The following DIP2C variants were observed in gnomAD, a reference collection of about 807,000 sequenced individuals.
DIP2C encodes the protein DIP2 acetate--CoA ligase C (putative), also known as disco-interacting protein 2 homolog C.
In DIP2C, 33 loss-of-function variants were observed where a neutral mutation model predicts 192.4. The ratio of observed to expected loss-of-function variants is 0.17; its 90% CI spans 0.13 to 0.23. The LOEUF (loss-of-function observed/expected upper bound fraction) is 0.23, where lower values mean the gene tolerates loss of function less well. DIP2C is among the 10% of genes least tolerant of loss of function. The probability of loss-of-function intolerance (pLI) is 1.00; values close to 1 mark genes in which losing one functional copy is unlikely to be tolerated. For synonymous variants in DIP2C, 979 were observed against 864.1 expected (o/e 1.13, Z -2.33); for missense variants, 1,537 against 2,110.1 (o/e 0.73, Z 5.32).
At chr10:464,005 TAAAAACTTAAACGTAAGA>T (rs1414554516) in intron 3 of DIP2C, among the ~76,000 whole-genome samples, 1 of 152,188 alleles carries the variant, frequency 6.6e-6, no homozygotes, top group Non-Finnish European at 1.5e-5. Context: ...CAAATTGGTT[TAAAAACTTAAACGTAAGA>T]CGTAAAACCA....
chr10:513,864 A>G (rs577692548), intron 1 of DIP2C, among the ~76,000 whole-genome samples: 6 of 151,530 alleles, frequency 4.0e-5, no homozygotes, highest in African/African-American at 1.5e-4. Context: ...ATCTGCAAAC[A>G]TCGACAGTGA....
chr10:362,314 C>G (rs1369376503), intron 22 of DIP2C, among the ~76,000 whole-genome samples, 176 bp downstream of exon 22: 1 of 152,166 alleles, frequency 6.6e-6, no homozygotes, highest in East Asian at 1.9e-4. Flanking sequence ...GCATTTACAG[C>G]CAGAAGACCA....
intron 9 of DIP2C, among the ~76,000 whole-genome samples, chr10:403,725 A>C (rs1407964918): frequency 1.3e-5 from 2 of 150,894 alleles, no homozygotes; most frequent in African/African-American, 4.9e-5. Context: ...TTCCTTATGG[A>C]CAAGTTTGGT....
intron 31 of DIP2C, chr10:325,001 C>G (rs1188507746): frequency 3.8e-6 from 2 of 525,966 alleles, no homozygotes; most frequent in Non-Finnish European, 3.9e-6. Flanking sequence ...CGTGGTGGCT[C>G]ATGCCTGTAA....
At chr10:433,878 C>G (rs1472068306) in intron 4 of DIP2C, among the ~76,000 whole-genome samples, 1 of 151,846 alleles carries the variant, frequency 6.6e-6, no homozygotes, top group Admixed American at 6.6e-5. Flanking sequence ...TTACTATTTT[C>G]TATCTGTTGC....
chr10:352,720 G>A (rs979344842), intron 24 of DIP2C, among the ~76,000 whole-genome samples: 2 of 152,134 alleles, frequency 1.3e-5, no homozygotes, highest in African/African-American at 4.8e-5. Context: ...CCTGGCTCAC[G>A]TTGCAGGCTG....
intron 1 of DIP2C, among the ~76,000 whole-genome samples, chr10:585,252 C>G (rs970080558): frequency 2.6e-5 from 4 of 152,226 alleles, no homozygotes; most frequent in Non-Finnish European, 4.4e-5. Flanking sequence ...TCCCACGCCA[C>G]CCTGTTTTTC....
intron 36 of DIP2C, among the ~76,000 whole-genome samples, chr10:280,186 T>C (rs1217776099): frequency 2.0e-5 from 3 of 152,194 alleles, no homozygotes; most frequent in African/African-American, 7.2e-5. Context: ...CTTGATCTTG[T>C]AAATTCTGCC....
In DIP2C at chr10:338,331, C is replaced by CTG. The variant is rs559410599; in HGVS notation, c.3584+2867_3584+2868insCA. Among the ~76,000 whole-genome samples the CTG allele has an allele frequency of 3.9e-5, 6 of 152,278 alleles. No individual in the cohort carries two copies. In the South Asian group the frequency reaches 8.3e-4, roughly 21 times the overall value. On this transcript the variant is annotated intron_variant, in intron 29 of 36. Coordinates refer to ENST00000280886, the MANE Select transcript of DIP2C (RefSeq NM_014974.3). Reference sequence around the variant, plus strand: ...CAATAGTGTGCAGTCGTGTCCTGGCCTCACGTTCAGGTGCCGCTTACTCAC... The same window carrying CTG: ...CAATAGTGTGCAGTCGTGTCCTGGCCTGTCACGTTCAGGTGCCGCTTACTCAC...
chr10:452,210 T>C (rs755262204), intron 3 of DIP2C, among the ~76,000 whole-genome samples: 3 of 152,102 alleles, frequency 2.0e-5, no homozygotes, highest in Non-Finnish European at 2.9e-5. Context: ...ACATTCTGCT[T>C]TAACCGGAAA....
chr10:576,153 G>A (rs940128805), intron 1 of DIP2C, among the ~76,000 whole-genome samples: 2 of 152,322 alleles, frequency 1.3e-5, no homozygotes, highest in East Asian at 1.9e-4. Context: ...CAGATGTGCT[G>A]GCACCAAGCA....
At chr10:613,994 C>T (rs926900186) in intron 1 of DIP2C, among the ~76,000 whole-genome samples, 3 of 152,186 alleles carry the variant, frequency 2.0e-5, no homozygotes, top group African/African-American at 7.2e-5. Context: ...ACCAGGAAAC[C>T]AGGCATTATC....
intron 1 of DIP2C, among the ~76,000 whole-genome samples, chr10:624,814 G>A (rs937204489): frequency 2.0e-5 from 3 of 152,176 alleles, no homozygotes; most frequent in African/African-American, 7.2e-5. Context: ...CTCACCTGGG[G>A]CACCCACGAG....
intron 31 of DIP2C, chr10:325,126 TTG>T (rs1474169966): frequency 8.6e-6 from 3 of 350,824 alleles, no homozygotes; most frequent in Non-Finnish European, 1.7e-5. Flanking sequence ...TTAGCTGCGC[TTG>T]GTGGCGAGCA....
intron 1 of DIP2C, among the ~76,000 whole-genome samples, chr10:495,749 T>TA (rs1454235827): frequency 6.7e-6 from 1 of 149,366 alleles, no homozygotes; most frequent in Non-Finnish European, 1.5e-5. Flanking sequence ...TTACTCGCAA[T>TA]ACCCCAATGT....
intron 1 of DIP2C, among the ~76,000 whole-genome samples, chr10:593,697 A>AC (rs1851537433): frequency 6.6e-6 from 1 of 152,066 alleles, no homozygotes; most frequent in South Asian, 2.1e-4. Context: ...GGCCTGGGGC[A>AC]CCACCTGAAC....
chr10:353,109 C>T (rs2132657415), intron 24 of DIP2C, among the ~76,000 whole-genome samples: 1 of 152,232 alleles, frequency 6.6e-6, no homozygotes, highest in Admixed American at 6.5e-5. Context: ...ACCATTTCAT[C>T]AGAGAAATGA....
At chr10:659,333 C>A (rs1165049763) in intron 1 of DIP2C, among the ~76,000 whole-genome samples, 1 of 152,222 alleles carries the variant, frequency 6.6e-6, no homozygotes, top group Non-Finnish European at 1.5e-5. Context: ...AAGACACATA[C>A]ATGCACAACA....
At chr10:530,786 C>G (rs1234564173) in intron 1 of DIP2C, among the ~76,000 whole-genome samples, 1 of 152,086 alleles carries the variant, frequency 6.6e-6, no homozygotes, top group Non-Finnish European at 1.5e-5. Flanking sequence ...CAATGAGGCC[C>G]AGAGAGAAAT....
Sources: allele counts gnomAD v4.1 joint callset (sites outside exome capture counted in the v4.1 genomes callset), GRCh38; gene constraint gnomAD v4.1.1; transcripts MANE v1.5; gene names NCBI Gene and HGNC (gene_info 2026-07-23, HGNC 2026-07-21).